Variants in FRMPD2 observed in about 807,000 individuals in gnomAD.
FRMPD2 encodes the protein FERM and PDZ domain containing 2, also known as FERM and PDZ domain-containing protein 2.
Under a neutral mutation model 140.1 loss-of-function variants are expected in FRMPD2, and 96 were observed. The observed-to-expected ratio is 0.69, with a 90% confidence interval of 0.58 to 0.81. The LOEUF (loss-of-function observed/expected upper bound fraction) is 0.81. FRMPD2 is among the 40% of genes least tolerant of loss of function. The pLI is 0.00. For missense variants in FRMPD2, 1,240 were observed against 1,447.4 expected, an observed-to-expected ratio of 0.86 and a Z score of 2.32; for synonymous variants, 449 against 547.6, an observed-to-expected ratio of 0.82 and a Z score of 2.52.
intron 15 of FRMPD2, among the ~76,000 whole-genome samples, chr10:48,198,773 C>G (rs572444101): frequency 6.6e-6 from 1 of 152,198 alleles, no homozygotes; most frequent in East Asian, 1.9e-4. Context: ...TTTTGTAGTT[C>G]TCTTTGTAGA....
intron 12 of FRMPD2, among the ~76,000 whole-genome samples, chr10:48,216,961 C>CAGTG (rs1163578590): frequency 1.3e-5 from 2 of 152,162 alleles, no homozygotes; most frequent in Non-Finnish European, 2.9e-5. Context: ...CAAGGGTAAG[C>CAGTG]AGTGACAGGG....
chr10:48,224,346 A>G (rs1264054430), intron 10 of FRMPD2, among the ~76,000 whole-genome samples: 1 of 152,152 alleles, frequency 6.6e-6, no homozygotes, highest in Non-Finnish European at 1.5e-5. Context: ...TTTCAGCCCA[A>G]AGCATTCTCT....
chr10:48,266,427 A>C (rs1243901518), intron 1 of FRMPD2, among the ~76,000 whole-genome samples: 1 of 152,242 alleles, frequency 6.6e-6, no homozygotes, highest in East Asian at 1.9e-4. Context: ...TTCAATTTAA[A>C]AAAGAGAAAA....
Position 48,251,843 on chromosome 10 carries a change from C to T in FRMPD2, c.26-152G>A, listed in dbSNP as rs114205784. 935 of 765,060 alleles carry T rather than the reference C, an allele frequency of 1.2e-3. 10 individuals are homozygous for T. In the African/African-American group the frequency reaches 0.015, roughly 12 times the overall value. The allele number at this position is 765,060 out of a possible 1,614,324, so 47.4% of individuals were successfully genotyped here. A position where few individuals can be genotyped will look rare whatever the true frequency, so the allele number is the denominator to read the frequency against. ...GCACCTGGGTCCCTGGGGTCAGGCA[C>T]AGAGCCAAGCACACAGAGGAGTTAA... On this transcript the variant is annotated intron_variant, in intron 1 of 28. Transcript: ENST00000374201.
intron 5 of FRMPD2, 101 bp downstream of exon 5, chr10:48,242,059 AT>A: frequency 1.2e-6 from 1 of 857,974 alleles, no homozygotes; most frequent in Non-Finnish European, 1.7e-6. Context: ...GATTAATTTA[AT>A]TTTTTATTTT....
chr10:48,221,491 C>T (rs1341528863), intron 12 of FRMPD2, among the ~76,000 whole-genome samples: 1 of 152,104 alleles, frequency 6.6e-6, no homozygotes, highest in Non-Finnish European at 1.5e-5. Context: ...GTGTACACTG[C>T]TCAGGTGATG....
intron 5 of FRMPD2, 94 bp from the exon 6 acceptor site, chr10:48,240,586 T>C: frequency 6.5e-7 from 1 of 1,527,754 alleles, no homozygotes; most frequent in South Asian, 1.2e-5. Flanking sequence ...TGAATCAATG[T>C]GGAATTGTCT....
chr10:48,257,195 T>TC (rs946786437), intron 1 of FRMPD2, among the ~76,000 whole-genome samples: 9 of 151,824 alleles, frequency 5.9e-5, no homozygotes, highest in African/African-American at 2.2e-4. Context: ...TTTTTTTTTT[T>TC]CTGCCTGTAA....
chr10:48,267,137 C>G (rs1564444752), intron 1 of FRMPD2, among the ~76,000 whole-genome samples: 1 of 152,128 alleles, frequency 6.6e-6, no homozygotes, highest in Non-Finnish European at 1.5e-5. Context: ...TCATAGTACC[C>G]AAACATCTTG....
In FRMPD2 at chr10:48,176,956, A is replaced by C. The variant is rs572893958; in HGVS notation, c.2896-1017T>G. On this transcript the variant is annotated intron_variant, in intron 22 of 28. Transcript: ENST00000374201. ...AAAGCAAAGAATGCCCTCCATTCACATATCTCTTGAATTTCCTCTGAAAAT... is the reference window on the plus strand; with the variant it reads ...AAAGCAAAGAATGCCCTCCATTCACCTATCTCTTGAATTTCCTCTGAAAAT... 2.0e-5 allele frequency among the ~76,000 whole-genome samples: 3 copies of C among 152,292 alleles called. No homozygotes were observed. In the South Asian group the frequency reaches 6.2e-4, roughly 32 times the overall value.
intron 3 of FRMPD2, among the ~76,000 whole-genome samples, chr10:48,247,510 T>C (rs1840277539): frequency 6.6e-6 from 1 of 152,218 alleles, no homozygotes; most frequent in Non-Finnish European, 1.5e-5. Flanking sequence ...GAGCACAGCC[T>C]GAAGTGCAGC....
chr10:48,242,996 C>G (rs1484319372), intron 4 of FRMPD2, among the ~76,000 whole-genome samples: 1 of 152,204 alleles, frequency 6.6e-6, no homozygotes, highest in Non-Finnish European at 1.5e-5. Flanking sequence ...CAGACTTTTT[C>G]TCAAGCTCAA....
At chr10:48,180,648 T>G (rs1195239913) in intron 21 of FRMPD2, among the ~76,000 whole-genome samples, 155 bp downstream of exon 21, 2 of 152,160 alleles carry the variant, frequency 1.3e-5, no homozygotes, top group East Asian at 1.9e-4. Context: ...TGCTTCTGTA[T>G]GCAAATGAGG....
At chr10:48,183,473 G>A (rs1564417591) in intron 20 of FRMPD2, among the ~76,000 whole-genome samples, 1 of 152,096 alleles carries the variant, frequency 6.6e-6, no homozygotes, top group Non-Finnish European at 1.5e-5. Flanking sequence ...ATGAAGAAAA[G>A]CATCATCAAA....
At chr10:48,185,078 T>A (rs955325779) in intron 18 of FRMPD2, among the ~76,000 whole-genome samples, 197 bp from the exon 19 acceptor site, 6 of 152,308 alleles carry the variant, frequency 3.9e-5, no homozygotes, top group Non-Finnish European at 8.8e-5. Flanking sequence ...TGTTCCCCAT[T>A]AGTAAGCACA....
At chr10:48,204,276 G>A (rs938345883) in intron 14 of FRMPD2, among the ~76,000 whole-genome samples, 6 of 152,090 alleles carry the variant, frequency 3.9e-5, no homozygotes, top group South Asian at 4.1e-4. Context: ...TGTGTATACC[G>A]CATTATCAAC....
intron 14 of FRMPD2, 125 bp downstream of exon 14, chr10:48,206,623 A>C (rs1588829202): frequency 4.1e-6 from 3 of 726,274 alleles, no homozygotes; most frequent in Non-Finnish European, 4.6e-6. Flanking sequence ...GTTAACAAAC[A>C]GACAGGCTGT....
rs1491054265 is a variant in FRMPD2, at chr10:48,222,129, GAT to G, written c.1455+182_1455+183del. Among the ~76,000 whole-genome samples, 54 of 45,468 alleles carry G rather than the reference GAT, an allele frequency of 1.2e-3. No individual in the cohort carries two copies. In the East Asian group the frequency reaches 0.06, roughly 51 times the overall value. The allele number at this position is 45,468 out of a possible 152,430, so 29.8% of individuals were successfully genotyped here. On this transcript the variant is annotated intron_variant, in intron 12 of 28. Coordinates refer to ENST00000374201, the MANE Select transcript of FRMPD2 (RefSeq NM_001018071.4). ...GGATGGATGAATCAATGAATAGGTGGATGGATGGATGGATGGATGGATGGATG... is the reference window on the plus strand; with the variant it reads ...GGATGGATGAATCAATGAATAGGTGGGGATGGATGGATGGATGGATGGATG...
chr10:48,244,384 CA>C (rs1246334341), intron 4 of FRMPD2, among the ~76,000 whole-genome samples: 3 of 152,206 alleles, frequency 2.0e-5, no homozygotes, highest in African/African-American at 7.2e-5. Flanking sequence ...AGCATTTACC[CA>C]AATCTATTGA....
Sources: allele counts gnomAD v4.1 joint callset (sites outside exome capture counted in the v4.1 genomes callset), GRCh38; gene constraint gnomAD v4.1.1; transcripts MANE v1.5; gene names NCBI Gene and HGNC (gene_info 2026-07-23, HGNC 2026-07-21).